CDYL2: variants seen among roughly 807,000 people sequenced by gnomAD.
The protein encoded by CDYL2 is chromodomain Y-like protein 2.
In CDYL2, 23 loss-of-function variants were observed where a neutral mutation model predicts 49.4. The observed-to-expected ratio is 0.47, with a 90% confidence interval of 0.34 to 0.66. CDYL2 has a LOEUF of 0.66. CDYL2 is among the 30% of genes least tolerant of loss of function. CDYL2 has a pLI of 0.01. For synonymous variants in CDYL2, 360 were observed against 268.8 expected, an observed-to-expected ratio of 1.34 and a Z score of -3.32; for missense variants, 678 against 656.4, an observed-to-expected ratio of 1.03 and a Z score of -0.36.
chr16:80,655,662 T>C (rs1017087718), intron 2 of CDYL2, among the ~76,000 whole-genome samples: 3 of 152,142 alleles, frequency 2.0e-5, no homozygotes, highest in African/African-American at 7.2e-5. Flanking sequence ...GCCAGGACAC[T>C]GGGCTCGCCT....
chr16:80,758,185 G>A (rs747009503), intron 1 of CDYL2, among the ~76,000 whole-genome samples: 4 of 151,932 alleles, frequency 2.6e-5, no homozygotes, highest in Non-Finnish European at 4.4e-5. Context: ...GTCAATAATC[G>A]GTGTTAGACA....
At chr16:80,607,474 G>A (rs1906391746) in intron 6 of CDYL2, among the ~76,000 whole-genome samples, 1 of 152,184 alleles carries the variant, frequency 6.6e-6, no homozygotes, top group African/African-American at 2.4e-5. Flanking sequence ...TCTCAGCTCT[G>A]GAACCAGCCC....
chr16:80,738,146 T>A (rs1337335299), intron 1 of CDYL2, among the ~76,000 whole-genome samples: 1 of 152,148 alleles, frequency 6.6e-6, no homozygotes, highest in Non-Finnish European at 1.5e-5. Flanking sequence ...GTTAGTTTGC[T>A]GAGAATGATG....
chr16:80,642,565 C>G (rs963156902), intron 2 of CDYL2, among the ~76,000 whole-genome samples: 2 of 152,138 alleles, frequency 1.3e-5, no homozygotes, highest in Non-Finnish European at 2.9e-5. Context: ...AGTCCGTTTT[C>G]ACGCTGCTGA....
At chr16:80,794,680 C>T (rs1180073003) in intron 1 of CDYL2, among the ~76,000 whole-genome samples, 3 of 132,406 alleles carry the variant, frequency 2.3e-5, no homozygotes, top group South Asian at 2.5e-4. Flanking sequence ...GGCGTGATCT[C>T]GGCTCACTGC....
chr16:80,683,484 C>T (rs149810207), intron 2 of CDYL2, among the ~76,000 whole-genome samples: 4 of 152,184 alleles, frequency 2.6e-5, no homozygotes, highest in African/African-American at 4.8e-5. Flanking sequence ...ATTTTGCCTA[C>T]AGAGACTTTG....
chr16:80,650,582 T>C lies in CDYL2; in HGVS notation c.617-17346A>G, dbSNP rs557243884. Among the ~76,000 whole-genome samples the C allele has an allele frequency of 4.6e-5, 7 of 152,114 alleles. 1 individual carries two copies. Among genetic ancestry groups the C allele is most frequent in the South Asian group, 2.1e-4 (1 of 4,810 alleles). On this transcript the variant is annotated intron_variant, in intron 2 of 6. Transcript: ENST00000570137. ...GGATGGTTCCTCAAAAAACTAAAAA[T>C]AGAAATACCATGTGATCCAGCAATC...
At chr16:80,681,332 C>G (rs1421392901) in intron 2 of CDYL2, among the ~76,000 whole-genome samples, 3 of 152,100 alleles carry the variant, frequency 2.0e-5, no homozygotes, top group African/African-American at 7.2e-5. Flanking sequence ...TCCTTTAGTC[C>G]AGATAAGGGA....
chr16:80,633,633 C>A (rs1160540488), intron 2 of CDYL2, among the ~76,000 whole-genome samples: 1 of 152,130 alleles, frequency 6.6e-6, no homozygotes, highest in Admixed American at 6.5e-5. Flanking sequence ...TTAACCAACC[C>A]GTATTATGTG....
chr16:80,668,979 C>G (rs11150299), intron 2 of CDYL2, among the ~76,000 whole-genome samples: 71,257 of 151,662 alleles, frequency 0.47, 19,221 homozygotes, highest in Middle Eastern at 0.7. Flanking sequence ...TACAACTCAC[C>G]TATTTGTAAC....
chr16:80,798,611 C>A (rs1907835812), intron 1 of CDYL2, among the ~76,000 whole-genome samples: 1 of 152,072 alleles, frequency 6.6e-6, no homozygotes, highest in Non-Finnish European at 1.5e-5. Flanking sequence ...AATATATGTT[C>A]ATCAACTGTT....
At position 80,737,347 on chromosome 16, in the gene CDYL2, G is replaced by A. The variant is rs116391995; in HGVS notation, c.25-52218C>T. Among the ~76,000 whole-genome samples, 775 of 152,236 alleles carry A rather than the reference G, an allele frequency of 5.1e-3. 6 individuals carry two copies. Among genetic ancestry groups the A allele is most frequent in the African/African-American group, 0.017 (696 of 41,512 alleles). On this transcript the variant is annotated intron_variant, in intron 1 of 6. Coordinates refer to ENST00000570137, the MANE Select transcript of CDYL2 (RefSeq NM_152342.4). ...AGTGCCTTACAGGTAAGGTCTCACC[G>A]AGTCCTTGGAACAACCTTAAAAGGG...
chr16:80,769,905 G>A lies in CDYL2; in HGVS notation c.24+34245C>T, dbSNP rs542148115. On this transcript the variant is annotated intron_variant, in intron 1 of 6. Transcript: ENST00000570137. ...ATGATATTGAGAATACCACACCCAC[G>A]AAATGGAAATAAGGGTTTAAGAATA... Among the ~76,000 whole-genome samples the A allele has an allele frequency of 9.9e-5, 15 of 152,148 alleles. No homozygotes were observed. The South Asian group carries it at 1.9e-3, about 19-fold the overall frequency.
intron 2 of CDYL2, among the ~76,000 whole-genome samples, chr16:80,634,641 T>C (rs1017540646): frequency 2.0e-5 from 3 of 152,026 alleles, no homozygotes; most frequent in Admixed American, 2.0e-4. Context: ...TAAAGTATAA[T>C]TTAAAAAATA....
intron 1 of CDYL2, among the ~76,000 whole-genome samples, chr16:80,774,296 G>A (rs1008576699): frequency 1.3e-5 from 2 of 151,612 alleles, no homozygotes; most frequent in African/African-American, 4.9e-5. Context: ...TAAGCCAGGC[G>A]CTGAAAGACA....
chr16:80,787,908 G>C (rs1907488933), intron 1 of CDYL2, among the ~76,000 whole-genome samples: 1 of 151,998 alleles, frequency 6.6e-6, no homozygotes, highest in Admixed American at 6.6e-5. Flanking sequence ...TAGAATCTGG[G>C]ATTATCTGCC....
chr16:80,665,829 A>G (rs1281838075), intron 2 of CDYL2, among the ~76,000 whole-genome samples: 1 of 152,202 alleles, frequency 6.6e-6, no homozygotes, highest in Non-Finnish European at 1.5e-5. Context: ...GAAAAGTCAC[A>G]AAAGTAACAG....
At chr16:80,618,918 G>C (rs1906952232) in intron 4 of CDYL2, among the ~76,000 whole-genome samples, 1 of 152,204 alleles carries the variant, frequency 6.6e-6, no homozygotes, top group Non-Finnish European at 1.5e-5. Context: ...TAGTTTCCCA[G>C]GGAACAGTCA....
chr16:80,672,435 T>A (rs1207594411), intron 2 of CDYL2, among the ~76,000 whole-genome samples: 1 of 141,484 alleles, frequency 7.1e-6, no homozygotes, highest in African/African-American at 2.7e-5. Flanking sequence ...TATCACAGGA[T>A]AAGGTGATGT....
Sources: gnomAD v4.1 joint callset for allele counts (sites outside exome capture counted in the v4.1 genomes callset) on GRCh38, gnomAD v4.1.1 for gene constraint, MANE v1.5 for transcripts, NCBI Gene and HGNC (gene_info 2026-07-23, HGNC 2026-07-21) for gene names.